TPTE2: variants seen among roughly 807,000 people sequenced by gnomAD.
TPTE2 encodes phosphatidylinositol 3,4,5-trisphosphate 3-phosphatase TPTE2.
A neutral mutation model predicts 78.6 loss-of-function variants in TPTE2; 53 were observed. The observed-to-expected ratio is 0.67, with a 90% CI of 0.54 to 0.85. TPTE2 has a LOEUF of 0.85. TPTE2 is among the 40% of genes least tolerant of loss of function. TPTE2 has a pLI of 0.00. For missense variants in TPTE2, 461 were observed against 623.0 expected, an observed-to-expected ratio of 0.74 and a Z score of 2.77; for synonymous variants, 175 against 206.2, an observed-to-expected ratio of 0.85 and a Z score of 1.30.
chr13:19,541,657 T>C (rs1427193539), upstream of TPTE2, among the ~76,000 whole-genome samples: 1 of 152,242 alleles, frequency 6.6e-6, no homozygotes, highest in Non-Finnish European at 1.5e-5. Flanking sequence ...TAAAAAATTA[T>C]AAATGGCTGC....
At chr13:19,427,659 G>A (rs1029409560) in intron 17 of TPTE2, among the ~76,000 whole-genome samples, 13 of 152,130 alleles carry the variant, frequency 8.5e-5, no homozygotes, top group Non-Finnish European at 1.8e-4. Context: ...CCAAGGGAGG[G>A]GGAGAGTGGG....
At chr13:19,447,272 C>A (rs1339204664) in intron 13 of TPTE2, among the ~76,000 whole-genome samples, 1 of 151,670 alleles carries the variant, frequency 6.6e-6, no homozygotes, top group Non-Finnish European at 1.5e-5. Context: ...TAATGTAAAC[C>A]CCCTCTCAGC....
chr13:19,556,991 A>G, the TPTE2 span, among the ~76,000 whole-genome samples: 3 of 152,336 alleles, frequency 2.0e-5, no homozygotes, highest in South Asian at 4.1e-4. Flanking sequence ...AGAAAACACT[A>G]CAAGTCCGTT....
chr13:19,518,443 A>C (rs1869938524), intron 1 of TPTE2, among the ~76,000 whole-genome samples: 1 of 152,226 alleles, frequency 6.6e-6, no homozygotes, highest in African/African-American at 2.4e-5. Flanking sequence ...AAAATGGGCA[A>C]AATATGTGAA....
chr13:19,438,162 G>T lies in TPTE2; in HGVS notation c.974-9C>A. 1 of 1,606,886 alleles carries T rather than the reference G, an allele frequency of 6.2e-7. No individual in the cohort carries two copies. Among genetic ancestry groups the T allele is most frequent in the Non-Finnish European group, 8.5e-7 (1 of 1,176,016 alleles). On this transcript the variant is annotated splice_polypyrimidine_tract_variant and intron_variant, in intron 13 of 19. Transcript: ENST00000400230. ...CATAGTCCCGGTTCTTCCTAGAAAA[G>T]AAAAGAAGTTAGTTCAAGAACATAC...
At position 19,432,590 on chromosome 13, in the gene TPTE2, C is replaced by T; in HGVS notation, c.1117-12G>A. 6.5e-7 allele frequency: 1 copy of T among 1,533,990 alleles called. No homozygotes were observed. Among genetic ancestry groups the T allele is most frequent in the Non-Finnish European group, 9.0e-7 (1 of 1,116,158 alleles). ...CCAACATATCTATTCTGAAAAGCAACAGAAATCTTCCTTTAAGTGGAGATG... is the reference window on the plus strand; with the variant it reads ...CCAACATATCTATTCTGAAAAGCAATAGAAATCTTCCTTTAAGTGGAGATG... On this transcript the variant is annotated splice_polypyrimidine_tract_variant and intron_variant, in intron 15 of 19. Coordinates refer to ENST00000400230, the Ensembl canonical transcript of TPTE2.
At chr13:19,493,288 T>G (rs1939228855) in intron 2 of TPTE2, among the ~76,000 whole-genome samples, 160 bp downstream of exon 5, 1 of 151,836 alleles carries the variant, frequency 6.6e-6, no homozygotes, top group African/African-American at 2.4e-5. Context: ...GTGCATGGAT[T>G]AGTTTGTGTA....
intron 10 of TPTE2, among the ~76,000 whole-genome samples, chr13:19,454,093 G>A (rs987253651): frequency 2.0e-5 from 3 of 152,154 alleles, no homozygotes; most frequent in African/African-American, 4.8e-5. Flanking sequence ...TGCTTCCACC[G>A]TAGTGCTTGT....
In TPTE2 at chr13:19,535,996, T is replaced by G. The variant is rs1871191502; in HGVS notation, c.-44+600A>C. On this transcript the variant is annotated intron_variant, in intron 1 of 17. Transcript: ENST00000390680. This position sits in a 1 kb window ranked among gnomAD's most constrained non-coding sequence, Gnocchi z 5.1. ...TATGACATCAAAAACAAGCTTCTGT[T>G]TTATTAATAAGGAGAAGATTTATTC... 6.6e-6 allele frequency among the ~76,000 whole-genome samples: 1 copy of G among 152,198 alleles called. No individual in the cohort carries two copies. The highest frequency in any genetic ancestry group is 2.4e-5 in the African/African-American group (1 of 41,452).
rs542637572 is a variant in TPTE2 at position 19,476,608 on chromosome 13, G to A, written c.180-985C>T. Among the ~76,000 whole-genome samples the A allele has an allele frequency of 3.0e-4, 46 of 152,190 alleles. 1 individual carries two copies. In the South Asian group the frequency reaches 9.3e-3, roughly 31 times the overall value. On this transcript the variant is annotated intron_variant, in intron 4 of 19. Coordinates refer to ENST00000400230, the Ensembl canonical transcript of TPTE2. ...ACATGCATGTGGCCAACAAGCATAC[G>A]AAGAAAAGCTCAATATCACAGATTT... is the stretch of plus-strand genomic sequence containing the variant.
chr13:19,464,610 T>C, intron 9 of TPTE2, 90 bp from the exon 13 acceptor site: 1 of 1,418,988 alleles, frequency 7.0e-7, no homozygotes, highest in Non-Finnish European at 9.6e-7. Flanking sequence ...AGACTCCATT[T>C]TCACAGAAAA....
chr13:19,506,383 C>T (rs1400709959), upstream of TPTE2, among the ~76,000 whole-genome samples: 3 of 151,060 alleles, frequency 2.0e-5, no homozygotes, highest in African/African-American at 4.9e-5. Flanking sequence ...CCGTTTTAGC[C>T]GGGATGGTCT....
At chr13:19,449,567 T>G (rs1166736627) in intron 13 of TPTE2, among the ~76,000 whole-genome samples, 2 of 152,214 alleles carry the variant, frequency 1.3e-5, no homozygotes, top group Admixed American at 1.3e-4. Flanking sequence ...GACAGTAGAT[T>G]TTAAATGTTC....
intron 1 of TPTE2, among the ~76,000 whole-genome samples, chr13:19,524,762 G>A (rs956670640): frequency 9.2e-5 from 14 of 152,090 alleles, no homozygotes; most frequent in South Asian, 2.1e-4. Flanking sequence ...GAGCTTGGGC[G>A]TGAAGGACAA....
At chr13:19,540,592 A>G (rs1233919045), upstream of TPTE2, among the ~76,000 whole-genome samples, 1 of 152,090 alleles carries the variant, frequency 6.6e-6, no homozygotes, top group Non-Finnish European at 1.5e-5. Flanking sequence ...GTCATGAGCC[A>G]CTGCACCCAG....
the TPTE2 span, chr13:19,560,899 C>T: frequency 1.3e-6 from 2 of 1,582,386 alleles, no homozygotes; most frequent in Non-Finnish European, 1.7e-6. Flanking sequence ...TGATCTCACA[C>T]TCGTTGGAGG....
intron 14 of TPTE2, among the ~76,000 whole-genome samples, chr13:19,437,646 G>A (rs1485330673): frequency 6.6e-6 from 1 of 152,164 alleles, no homozygotes; most frequent in African/African-American, 2.4e-5. Context: ...GCAGGGCCAG[G>A]TGAAGTGAGG....
At chr13:19,436,616 T>C (rs561506970) in intron 14 of TPTE2, among the ~76,000 whole-genome samples, 25 of 152,258 alleles carry the variant, frequency 1.6e-4, no homozygotes, top group Admixed American at 5.2e-4. Flanking sequence ...GGTTTCACCA[T>C]GTTGGCCAGG....
chr13:19,438,056 C>T lies in TPTE2; in HGVS notation c.1035+36G>A, dbSNP rs377756935. The T allele has an allele frequency of 8.2e-6, 13 of 1,594,510 alleles. No individual in the cohort carries two copies. In the African/African-American group the frequency reaches 1.2e-4, roughly 15 times the overall value. ...ATCTTTCAGAACTAGCAAACTCAAT[C>T]ATCATAAGAGAAAGTTTGTAGAACA... On this transcript the variant is annotated intron_variant, in intron 14 of 19. Transcript: ENST00000400230.
Sources: gnomAD v4.1 joint callset for allele counts (sites outside exome capture counted in the v4.1 genomes callset) on GRCh38, gnomAD v4.1.1 for gene constraint, Gnocchi (gnomAD v3.1) non-coding constraint, MANE v1.5 for transcripts, NCBI Gene and HGNC (gene_info 2026-07-23, HGNC 2026-07-21) for gene names.